CDH12: variants seen among roughly 807,000 people sequenced by gnomAD.
The protein encoded by CDH12 is cadherin 12, also known as cadherin-12.
CDH12 carries 41 observed loss-of-function variants against 74.1 expected under a neutral mutation model. The ratio of observed to expected loss-of-function variants is 0.55; its 90% CI spans 0.43 to 0.72. The LOEUF (loss-of-function observed/expected upper bound fraction) is 0.72. Among genes scored for constraint, CDH12 ranks in the 30% least tolerant of loss-of-function variants. The pLI, the probability that CDH12 is intolerant of heterozygous loss-of-function variation, is 0.00. For missense variants in CDH12, 945 were observed against 977.2 expected (o/e 0.97, Z 0.44); for synonymous variants, 399 against 355.0 (o/e 1.12, Z -1.39).
chr5:22,785,748 C>G (rs1256057884), intron 1 of CDH12, among the ~76,000 whole-genome samples: 1 of 152,038 alleles, frequency 6.6e-6, no homozygotes, highest in Non-Finnish European at 1.5e-5. Flanking sequence ...GAACTCCTGA[C>G]CCCAAGAAAT....
At chr5:21,834,465 A>G (rs1749420430) in intron 8 of CDH12, among the ~76,000 whole-genome samples, 1 of 151,932 alleles carries the variant, frequency 6.6e-6, no homozygotes, top group Non-Finnish European at 1.5e-5. Context: ...GATATTTAGA[A>G]GAAAAGCATG....
chr5:22,437,644 AT>A (rs1362173230), intron 2 of CDH12, among the ~76,000 whole-genome samples: 2 of 151,920 alleles, frequency 1.3e-5, no homozygotes, highest in Non-Finnish European at 2.9e-5. Flanking sequence ...AAATATAAAC[AT>A]AATGTGGGGC....
At chr5:21,890,356 T>C (rs1019931196) in intron 6 of CDH12, among the ~76,000 whole-genome samples, 4 of 152,054 alleles carry the variant, frequency 2.6e-5, no homozygotes. Context: ...CTAGAGTCAA[T>C]TATTTGGTAT....
intron 1 of CDH12, among the ~76,000 whole-genome samples, chr5:22,659,630 T>A (rs1382931408): frequency 6.6e-6 from 1 of 152,138 alleles, no homozygotes; most frequent in African/African-American, 2.4e-5. Context: ...AGCATTTTCA[T>A]CAAATGCTAA....
intron 3 of CDH12, among the ~76,000 whole-genome samples, chr5:22,326,125 C>T (rs548070070): frequency 1.3e-5 from 2 of 152,284 alleles, no homozygotes; most frequent in East Asian, 3.9e-4. Flanking sequence ...GCTTTTCCCC[C>T]GTTCTCACCT....
intron 4 of CDH12, among the ~76,000 whole-genome samples, chr5:22,153,931 C>CTGT (rs1747821577): frequency 7.2e-6 from 1 of 137,952 alleles, no homozygotes; most frequent in African/African-American, 2.7e-5. Flanking sequence ...CACACACAAA[C>CTGT]ATATATATGT....
At chr5:21,863,843 T>A (rs1751182232) in intron 6 of CDH12, among the ~76,000 whole-genome samples, 1 of 152,172 alleles carries the variant, frequency 6.6e-6, no homozygotes, top group Non-Finnish European at 1.5e-5. Context: ...TGAACGTTTC[T>A]CAGAACTGAT....
intron 5 of CDH12, among the ~76,000 whole-genome samples, chr5:22,008,183 G>A (rs936089460): frequency 1.3e-5 from 2 of 152,078 alleles, no homozygotes; most frequent in African/African-American, 4.8e-5. Flanking sequence ...ATGAGGAGGA[G>A]ATGAGTTACT....
At chr5:22,151,867 T>C (rs1224136241) in intron 4 of CDH12, 1 of 152,154 alleles carries the variant, frequency 6.6e-6, no homozygotes, top group East Asian at 1.9e-4. Context: ...CAGTAACTGA[T>C]CTGATAATGT....
intron 1 of CDH12, among the ~76,000 whole-genome samples, chr5:22,588,195 T>A (rs115609149): frequency 3.3e-5 from 5 of 151,948 alleles, no homozygotes; most frequent in African/African-American, 1.2e-4. Flanking sequence ...GCCAAACTAA[T>A]GTGTAGAAAT....
intron 2 of CDH12, among the ~76,000 whole-genome samples, chr5:22,412,332 A>G (rs1367864966): frequency 6.6e-6 from 1 of 151,922 alleles, no homozygotes; most frequent in East Asian, 1.9e-4. Flanking sequence ...TTAGATTTCA[A>G]AGTTCTATTG....
intron 11 of CDH12, among the ~76,000 whole-genome samples, chr5:21,782,812 C>A (rs373750710): frequency 1.1e-4 from 16 of 152,180 alleles, no homozygotes; most frequent in African/African-American, 3.9e-4. Context: ...ACCAACTCAA[C>A]AAATAATTCC....
chr5:22,605,801 C>T (rs776653708), intron 1 of CDH12, among the ~76,000 whole-genome samples: 2 of 152,236 alleles, frequency 1.3e-5, no homozygotes, highest in Non-Finnish European at 2.9e-5. Flanking sequence ...CTTTGGTGTG[C>T]TTGTTTTCCA....
chr5:22,174,609 T>C (rs1279724176), intron 4 of CDH12, among the ~76,000 whole-genome samples: 3 of 152,066 alleles, frequency 2.0e-5, no homozygotes, highest in South Asian at 2.1e-4. Context: ...AGACCGACCA[T>C]AATGAATACA....
At chr5:21,980,636 G>A (rs935053984) in intron 5 of CDH12, among the ~76,000 whole-genome samples, 4 of 151,900 alleles carry the variant, frequency 2.6e-5, no homozygotes, top group Non-Finnish European at 4.4e-5. Context: ...GAACTTACTC[G>A]TTTATTTTTG....
chr5:21,897,556 G>T (rs1753180912), intron 6 of CDH12, among the ~76,000 whole-genome samples: 1 of 152,106 alleles, frequency 6.6e-6, no homozygotes, highest in African/African-American at 2.4e-5. Flanking sequence ...AAACTGACAG[G>T]ATTATGGACT....
rs1742552031 is a variant in CDH12, at chr5:22,698,735, AG to A, written c.-523+154322del. ...TATATATATATATATATATATATAT[AG>A]TGTGTGTGTGTGTGTGTGTGTGTGT... On this transcript the variant is annotated intron_variant, in intron 1 of 14. Coordinates refer to ENST00000382254, the MANE Select transcript of CDH12 (RefSeq NM_004061.5). 4.7e-3 allele frequency among the ~76,000 whole-genome samples: 68 copies of A among 14,514 alleles called. 10 individuals carry two copies. Among genetic ancestry groups the A allele is most frequent in the South Asian group, 6.2e-3 (2 of 324 alleles). The allele number at this position is 14,514 out of a possible 152,430, so 9.5% of individuals were successfully genotyped here.
chr5:22,502,793 TA>T (rs1358581839), intron 2 of CDH12, among the ~76,000 whole-genome samples: 1 of 152,104 alleles, frequency 6.6e-6, no homozygotes, highest in Admixed American at 6.6e-5. Context: ...TTCATTTCAT[TA>T]AAGTTTCTTC....
chr5:22,593,232 GTCTC>G (rs10549680), intron 1 of CDH12, among the ~76,000 whole-genome samples: 1 of 150,444 alleles, frequency 6.6e-6, no homozygotes, highest in Non-Finnish European at 1.5e-5. Flanking sequence ...CAAGCATTCT[GTCTC>G]TCTCTCTCTC....
Sources: allele counts gnomAD v4.1 joint callset (sites outside exome capture counted in the v4.1 genomes callset), GRCh38; gene constraint gnomAD v4.1.1; transcripts MANE v1.5; gene names NCBI Gene and HGNC (gene_info 2026-07-23, HGNC 2026-07-21).